Variants in RBMS3 observed in about 807,000 individuals in gnomAD.
RBMS3 encodes RNA-binding motif, single-stranded-interacting protein 3.
In RBMS3, 27 loss-of-function variants were observed where a neutral mutation model predicts 66.8. That is an observed-to-expected ratio of 0.40 (90% confidence interval 0.30 to 0.56). The LOEUF is 0.56. Ranked by LOEUF, RBMS3 falls within the 20% of genes least tolerant of loss-of-function variation. The probability of loss-of-function intolerance (pLI) is 0.40; values close to 1 mark genes in which losing one functional copy is unlikely to be tolerated. For synonymous variants in RBMS3, 188 were observed against 183.0 expected (o/e 1.03, Z -0.22); for missense variants, 513 against 549.5 (o/e 0.93, Z 0.66).
chr3:29,634,875 G>A (rs961561410), intron 4 of RBMS3, among the ~76,000 whole-genome samples: 2 of 151,600 alleles, frequency 1.3e-5, no homozygotes, highest in Non-Finnish European at 2.9e-5. Context: ...CTGGCCTATC[G>A]AGCCCCATCT....
chr3:29,838,816 G>C (rs1371132688), intron 6 of RBMS3, among the ~76,000 whole-genome samples: 4 of 152,122 alleles, frequency 2.6e-5, no homozygotes, highest in African/African-American at 9.7e-5. Flanking sequence ...TTGTCAACTG[G>C]AATATTTTTG....
At chr3:29,709,303 AG>A (rs2053051219) in intron 4 of RBMS3, among the ~76,000 whole-genome samples, 3 of 152,132 alleles carry the variant, frequency 2.0e-5, no homozygotes, top group Non-Finnish European at 2.9e-5. Context: ...TATGTTTGGT[AG>A]CTCTTGTTAG....
chr3:29,343,990 C>T (rs1283622374), intron 1 of RBMS3, among the ~76,000 whole-genome samples: 2 of 152,160 alleles, frequency 1.3e-5, no homozygotes, highest in African/African-American at 2.4e-5. Context: ...GAGTACAGTA[C>T]AAGTACTTGC....
intron 1 of RBMS3, among the ~76,000 whole-genome samples, chr3:29,312,569 C>G (rs1444009693): frequency 6.6e-6 from 1 of 151,638 alleles, no homozygotes; most frequent in East Asian, 1.9e-4. Flanking sequence ...CTTGCACTCT[C>G]TCTTCTTTTT....
chr3:29,884,469 T>TCTCTCTCTCTCTCTC (rs1553692501), intron 8 of RBMS3, among the ~76,000 whole-genome samples: 2 of 66,334 alleles, frequency 3.0e-5, no homozygotes, highest in East Asian at 3.0e-4. Flanking sequence ...TCTCTCTCTC[T>TCTCTCTCTCTCTCTC]CCCCCCCCGC....
intron 3 of RBMS3, among the ~76,000 whole-genome samples, chr3:29,548,238 C>T (rs1277217815): frequency 1.3e-5 from 2 of 151,882 alleles, no homozygotes; most frequent in Non-Finnish European, 2.9e-5. Context: ...CCAGCATGGA[C>T]AAAACAGTGA....
In RBMS3 at chr3:29,853,202, T is replaced by C. The variant is rs540635539; in HGVS notation, c.638-15656T>C. ...GGAGAGGATTAGGAAAAATAACTAATGGCTACTAGGCTTAATACCTGGATG... is the reference window on the plus strand; with the variant it reads ...GGAGAGGATTAGGAAAAATAACTAACGGCTACTAGGCTTAATACCTGGATG... On this transcript the variant is annotated intron_variant, in intron 6 of 14. Coordinates refer to ENST00000383767, the MANE Select transcript of RBMS3 (RefSeq NM_001003793.3). 2.6e-5 allele frequency among the ~76,000 whole-genome samples: 4 copies of C among 152,162 alleles called. No homozygotes were observed. In the East Asian group the frequency reaches 5.8e-4, roughly 22 times the overall value.
At chr3:29,525,074 C>T (rs1346244809) in intron 3 of RBMS3, among the ~76,000 whole-genome samples, 1 of 151,970 alleles carries the variant, frequency 6.6e-6, no homozygotes, top group Non-Finnish European at 1.5e-5. Flanking sequence ...GAAAAAAGAC[C>T]TCTTCAGGCC....
chr3:29,804,399 G>T (rs534253212), intron 6 of RBMS3, among the ~76,000 whole-genome samples: 1 of 152,008 alleles, frequency 6.6e-6, no homozygotes, highest in African/African-American at 2.4e-5. Flanking sequence ...TATTCTATTT[G>T]CTTTAATGTT....
At chr3:29,993,819 G>A (rs1231659424) in intron 14 of RBMS3, among the ~76,000 whole-genome samples, 1 of 152,132 alleles carries the variant, frequency 6.6e-6, no homozygotes, top group African/African-American at 2.4e-5. Flanking sequence ...GCTCTCCTGG[G>A]TCTCCAGTCT....
intron 5 of RBMS3, among the ~76,000 whole-genome samples, chr3:29,759,532 C>T (rs78842239): frequency 6.6e-6 from 1 of 152,058 alleles, no homozygotes; most frequent in Non-Finnish European, 1.5e-5. Context: ...CATATAAAGG[C>T]AGCTGTGTCT....
chr3:29,701,186 C>T lies in RBMS3; in HGVS notation c.400-38534C>T, dbSNP rs909777741. On this transcript the variant is annotated intron_variant, in intron 4 of 14. Transcript: ENST00000383767. ...CAGCTACTTGGAAGGCTGAGGCAGG[C>T]GAATTGCTTGAACCTGGGAGGCAGA... Among the ~76,000 whole-genome samples, 19 of 151,488 alleles carry T rather than the reference C, an allele frequency of 1.3e-4. No homozygotes were observed. The South Asian group carries it at 3.6e-3, about 28-fold the overall frequency.
chr3:29,710,214 C>A (rs964442525), intron 4 of RBMS3, among the ~76,000 whole-genome samples: 17 of 152,122 alleles, frequency 1.1e-4, no homozygotes, highest in African/African-American at 4.1e-4. Flanking sequence ...ATAGAAAGAA[C>A]CAGGCCTTAT....
chr3:29,728,196 G>A (rs1559611501), intron 4 of RBMS3, among the ~76,000 whole-genome samples: 1 of 151,846 alleles, frequency 6.6e-6, no homozygotes, highest in Non-Finnish European at 1.5e-5. Flanking sequence ...TCACACACTG[G>A]GGGCCTGTTG....
At position 29,362,151 on chromosome 3, in the gene RBMS3, G is replaced by C. The variant is rs1451094892; in HGVS notation, c.76-72592G>C. Among the ~76,000 whole-genome samples the C allele has an allele frequency of 2.0e-5, 3 of 152,198 alleles. No homozygotes were observed. The East Asian group carries it at 5.8e-4, about 29-fold the overall frequency. On this transcript the variant is annotated intron_variant, in intron 1 of 14. Transcript: ENST00000383767. ...GATTTTTAGAATTTTCAGTTTTTCT[G>C]TTCTGTTTTTTCCCCATCTTTGTGG...
At chr3:29,386,387 A>G (rs2039009113) in intron 1 of RBMS3, among the ~76,000 whole-genome samples, 1 of 152,166 alleles carries the variant, frequency 6.6e-6, no homozygotes, top group Non-Finnish European at 1.5e-5. Context: ...CATTAAAAAC[A>G]GAGAATCAAT....
chr3:29,387,631 G>A lies in RBMS3; in HGVS notation c.76-47112G>A, dbSNP rs548668854. On this transcript the variant is annotated intron_variant, in intron 1 of 14. Transcript: ENST00000383767. ...TTAAAATGTATAGATGGCCGGGCGC[G>A]GTGGCTCACACCTGTAATCCCAGCA... Among the ~76,000 whole-genome samples, 8 of 152,116 alleles carry A rather than the reference G, an allele frequency of 5.3e-5. No individual in the cohort carries two copies. The South Asian group carries it at 1.0e-3, about 20-fold the overall frequency.
chr3:29,503,372 G>A lies in RBMS3; in HGVS notation c.307+14873G>A, dbSNP rs533285746. Among the ~76,000 whole-genome samples the A allele has an allele frequency of 1.3e-4, 19 of 151,922 alleles. No individual in the cohort carries two copies. The South Asian group carries it at 3.7e-3, about 30-fold the overall frequency. Reference sequence around the variant, plus strand: ...CATTCATTCCCTTCTGTCCTTTACGGAAATGTTAAGCATCTGTGCTCAGTT... The same window carrying A: ...CATTCATTCCCTTCTGTCCTTTACGAAAATGTTAAGCATCTGTGCTCAGTT... On this transcript the variant is annotated intron_variant, in intron 3 of 14. Coordinates refer to ENST00000383767, the MANE Select transcript of RBMS3 (RefSeq NM_001003793.3).
intron 2 of RBMS3, among the ~76,000 whole-genome samples, chr3:29,468,468 C>T (rs1167777696): frequency 6.6e-6 from 1 of 152,088 alleles, no homozygotes; most frequent in East Asian, 1.9e-4. Flanking sequence ...AAGTAGCTTA[C>T]CCTAAGTACG....
Sources: gnomAD v4.1 joint callset for allele counts (sites outside exome capture counted in the v4.1 genomes callset) on GRCh38, gnomAD v4.1.1 for gene constraint, MANE v1.5 for transcripts, NCBI Gene and HGNC (gene_info 2026-07-23, HGNC 2026-07-21) for gene names.